The following SV2B variants were observed in gnomAD, a reference collection of about 807,000 sequenced individuals.
SV2B encodes solute carrier family 22 member B2.
SV2B carries 41 observed loss-of-function variants against 73.9 expected under a neutral mutation model. That is an observed-to-expected ratio of 0.56 (90% CI 0.43 to 0.72). The LOEUF is 0.72. SV2B is among the 30% of genes least tolerant of loss of function. SV2B has a pLI of 0.00. For synonymous variants in SV2B, 314 were observed against 314.2 expected (o/e 1.00, Z 0.01); for missense variants, 764 against 857.8 (o/e 0.89, Z 1.37).
chr15:91,170,120 G>A (rs529919579), intron 1 of SV2B, among the ~76,000 whole-genome samples: 5 of 152,164 alleles, frequency 3.3e-5, no homozygotes, highest in Admixed American at 6.5e-5. Flanking sequence ...TTGTAGGTCC[G>A]TATTTTTTTA....
chr15:91,119,356 C>G (rs916208661), intron 1 of SV2B, among the ~76,000 whole-genome samples: 5 of 152,176 alleles, frequency 3.3e-5, no homozygotes, highest in African/African-American at 1.2e-4. Context: ...TTCATTTGTT[C>G]TCATGCTTAG....
chr15:91,174,456 A>G (rs1363307514), intron 1 of SV2B, among the ~76,000 whole-genome samples: 2 of 150,420 alleles, frequency 1.3e-5, no homozygotes, highest in Non-Finnish European at 2.9e-5. Flanking sequence ...TGAATGTTGA[A>G]TGCTGTGTTA....
At chr15:91,198,057 C>G (rs1303246272) in intron 1 of SV2B, among the ~76,000 whole-genome samples, 1 of 152,056 alleles carries the variant, frequency 6.6e-6, no homozygotes, top group Admixed American at 6.6e-5. Context: ...CAAAAATACA[C>G]AAAACCTATT....
intron 9 of SV2B, among the ~76,000 whole-genome samples, chr15:91,278,548 G>T (rs1438349075): frequency 6.7e-6 from 1 of 148,846 alleles, no homozygotes; most frequent in Non-Finnish European, 1.5e-5. Flanking sequence ...GCGCGGTGGC[G>T]GGTGCCTGTA....
intron 1 of SV2B, among the ~76,000 whole-genome samples, chr15:91,155,417 C>A (rs996767497): frequency 2.0e-5 from 3 of 152,354 alleles, no homozygotes; most frequent in Admixed American, 6.5e-5. Context: ...TTTAGAAATA[C>A]TTCTTGCTTA....
At chr15:91,286,810 A>G (rs1444664987) in intron 11 of SV2B, among the ~76,000 whole-genome samples, 1 of 152,152 alleles carries the variant, frequency 6.6e-6, no homozygotes, top group African/African-American at 2.4e-5. Context: ...CGGCATTTGC[A>G]CCCAGGCCTC....
chr15:91,266,690 C>T lies in SV2B; in HGVS notation c.1117C>T (p.Gln373Ter), dbSNP rs1219598592. The T allele has an allele frequency of 6.2e-7, 1 of 1,612,272 alleles. No individual in the cohort carries two copies. The highest frequency in any genetic ancestry group is 1.3e-5 in the African/African-American group (1 of 74,860). ...WLVRFKTIFK[Q>*]VWDNALYCVM... is the part of the protein sequence containing the mutation. ...GGTCAGATTCAAGACCATTTTCAAGCAGGTATGATTGGGAACTTACTTTGG... is the reference window on the plus strand; with the variant it reads ...GGTCAGATTCAAGACCATTTTCAAGTAGGTATGATTGGGAACTTACTTTGG... The change falls in exon 7 of 13, where the codon CAG (glutamine) becomes TAG (stop). Residue 373 changes from glutamine (Q) to a stop codon, truncating the protein, a stop_gained and splice_region_variant. Transcript: ENST00000394232. LOFTEE classifies it high-confidence loss of function.
intron 1 of SV2B, among the ~76,000 whole-genome samples, chr15:91,160,552 G>C (rs989734369): frequency 6.6e-6 from 1 of 152,178 alleles, no homozygotes. Context: ...AGGTTACAGT[G>C]AGCTGAGATC....
intron 1 of SV2B, among the ~76,000 whole-genome samples, chr15:91,159,984 C>T (rs911368944): frequency 1.3e-5 from 2 of 152,024 alleles, no homozygotes; most frequent in African/African-American, 4.8e-5. Context: ...GACAAAACTA[C>T]AAATTACCAA....
At chr15:91,194,687 C>T (rs983032614) in intron 1 of SV2B, among the ~76,000 whole-genome samples, 5 of 152,184 alleles carry the variant, frequency 3.3e-5, no homozygotes, top group Admixed American at 6.5e-5. Flanking sequence ...GAGAGAAATT[C>T]GTTACTCTGG....
In SV2B at chr15:91,118,064, G is replaced by C. The variant is rs1458239850; in HGVS notation, c.-392+17701G>C. Among the ~76,000 whole-genome samples, 1 of 152,184 alleles carries C rather than the reference G, an allele frequency of 6.6e-6. No homozygotes were observed. The highest frequency in any genetic ancestry group is 1.5e-5 in the Non-Finnish European group (1 of 68,032). On this transcript the variant is annotated intron_variant, in intron 1 of 12. Coordinates refer to ENST00000394232, the MANE Select transcript of SV2B (RefSeq NM_001323032.3). The surrounding 1 kb of genome is among the most constrained non-coding windows in gnomAD (Gnocchi z 4.7). Reference sequence around the variant, plus strand: ...TATGTAAGTAGAGGGATTAAAAAAAGTGGGTAGAATTTTTGAAATCTTGGC... The same window carrying C: ...TATGTAAGTAGAGGGATTAAAAAAACTGGGTAGAATTTTTGAAATCTTGGC...
At chr15:91,274,340 T>C (rs2048413223) in intron 9 of SV2B, among the ~76,000 whole-genome samples, 1 of 152,196 alleles carries the variant, frequency 6.6e-6, no homozygotes, top group African/African-American at 2.4e-5. Context: ...TTGGTATCAT[T>C]GTTATGTCCT....
chr15:91,167,174 A>G lies in SV2B; in HGVS notation c.-391-58699A>G, dbSNP rs115394841. Among the ~76,000 whole-genome samples, 910 of 152,208 alleles carry G rather than the reference A, an allele frequency of 6.0e-3. 12 individuals are homozygous for G. Among genetic ancestry groups the G allele is most frequent in the African/African-American group, 0.021 (863 of 41,540 alleles). ...ATTAATTTAAGGAGTGTTTACCATT[A>G]TTTTATGGAATATGGTTACAGTAGT... On this transcript the variant is annotated intron_variant, in intron 1 of 12. Coordinates refer to ENST00000394232, the MANE Select transcript of SV2B (RefSeq NM_001323032.3).
chr15:91,166,648 T>A (rs1776148270), intron 1 of SV2B, among the ~76,000 whole-genome samples: 1 of 152,050 alleles, frequency 6.6e-6, no homozygotes. Flanking sequence ...TTTTCTCAAT[T>A]TTTATATCCT....
chr15:91,202,834 A>G (rs1437848726), intron 1 of SV2B, among the ~76,000 whole-genome samples: 1 of 152,116 alleles, frequency 6.6e-6, no homozygotes, highest in Non-Finnish European at 1.5e-5. Context: ...CCCCACAGTA[A>G]TTAGTCATTG....
intron 1 of SV2B, among the ~76,000 whole-genome samples, chr15:91,179,309 C>T (rs1030917016): frequency 1.3e-5 from 2 of 152,066 alleles, no homozygotes; most frequent in African/African-American, 4.8e-5. Flanking sequence ...AGCTTTACTT[C>T]TACCTATGTG....
chr15:91,161,221 A>G (rs1430133569), intron 1 of SV2B, among the ~76,000 whole-genome samples: 1 of 152,204 alleles, frequency 6.6e-6, no homozygotes, highest in Non-Finnish European at 1.5e-5. Flanking sequence ...ACTGGTTTAT[A>G]GTGATGATTG....
intron 1 of SV2B, among the ~76,000 whole-genome samples, chr15:91,170,851 G>A (rs756846282): frequency 2.9e-4 from 42 of 147,146 alleles, no homozygotes; most frequent in Non-Finnish European, 4.5e-4. Flanking sequence ...TTGTATTTAG[G>A]TTTTTTTTTT....
Position 91,240,858 on chromosome 15 carries a change from C to T in SV2B, c.452-10961C>T, listed in dbSNP as rs1446996451. On this transcript the variant is annotated intron_variant, in intron 2 of 12. Transcript: ENST00000394232. The surrounding 1 kb of genome is among the most constrained non-coding windows in gnomAD (Gnocchi z 4.6). ...TTAGCCCTGCAGCCTCAGATGAGTG[C>T]TCTTGGCCCCGTCACAGCCTCCACT... is the stretch of plus-strand genomic sequence containing the variant. Among the ~76,000 whole-genome samples the T allele has an allele frequency of 6.6e-6, 1 of 152,204 alleles. No homozygotes were observed.
Sources: allele counts gnomAD v4.1 joint callset (sites outside exome capture counted in the v4.1 genomes callset), GRCh38; gene constraint gnomAD v4.1.1; non-coding constraint Gnocchi (gnomAD v3.1); transcripts MANE v1.5; gene names NCBI Gene and HGNC (gene_info 2026-07-23, HGNC 2026-07-21).